PHLPP1: variants seen among roughly 807,000 people sequenced by gnomAD.
PHLPP1 encodes the protein PH domain and leucine rich repeat protein phosphatase 1, also known as PH domain leucine-rich repeat-containing protein phosphatase 1.
Under a neutral mutation model 117.2 loss-of-function variants are expected in PHLPP1, and 42 were observed. The observed-to-expected ratio is 0.36, with a 90% CI of 0.28 to 0.46. The LOEUF (loss-of-function observed/expected upper bound fraction) is 0.46. Ranked by LOEUF, PHLPP1 falls within the 20% of genes least tolerant of loss-of-function variation. PHLPP1 has a pLI of 1.00. For missense variants in PHLPP1, 2,084 were observed against 2,241.9 expected (o/e 0.93, Z 1.42); for synonymous variants, 1,042 against 970.7 (o/e 1.07, Z -1.37).
chr18:62,886,671 A>G (rs778066635), intron 4 of PHLPP1, among the ~76,000 whole-genome samples: 3 of 152,194 alleles, frequency 2.0e-5, no homozygotes, highest in Non-Finnish European at 4.4e-5. Flanking sequence ...GTCTCTGTAG[A>G]TTATCAAGTA....
rs1911328046 is a variant in PHLPP1, at chr18:62,980,025, G to A, written c.*594G>A. On this transcript the variant is annotated 3_prime_UTR_variant, in exon 17 of 17. Transcript: ENST00000262719. ...GAGAATTTCCATTGTAAATAGCTCA[G>A]TGTTGTATAGTGAGGCTTACGATGT... The A allele has an allele frequency of 6.5e-6, 1 of 153,406 alleles. No homozygotes were observed. Among genetic ancestry groups the A allele is most frequent in the Admixed American group, 6.5e-5 (1 of 15,358 alleles). 9.5% of individuals were successfully genotyped at this position (153,406 alleles called of 1,614,324 possible).
chr18:62,962,387 A>G (rs570210596), intron 13 of PHLPP1, among the ~76,000 whole-genome samples: 45 of 152,142 alleles, frequency 3.0e-4, no homozygotes, highest in Non-Finnish European at 1.5e-4. Flanking sequence ...GGCTCACCGC[A>G]ACCTCCACCT....
At chr18:62,838,167 A>T (rs192105301) in intron 2 of PHLPP1, 14 of 152,200 alleles carry the variant, frequency 9.2e-5, no homozygotes. Context: ...GCGTTTTAAG[A>T]TTTTGGTTGT....
chr18:62,893,391 A>G (rs1241577268), intron 4 of PHLPP1, among the ~76,000 whole-genome samples: 5 of 152,202 alleles, frequency 3.3e-5, no homozygotes, highest in African/African-American at 1.2e-4. Context: ...AATATAAAAC[A>G]GTTTAAAAAC....
chr18:62,887,288 T>A (rs761724450), intron 4 of PHLPP1, among the ~76,000 whole-genome samples: 25 of 152,206 alleles, frequency 1.6e-4, no homozygotes, highest in Non-Finnish European at 2.2e-4. Context: ...CTGTTTTTTT[T>A]ATCTATGAGC....
intron 1 of PHLPP1, among the ~76,000 whole-genome samples, chr18:62,822,280 G>GTTTTTTTTTTT (rs796719016): frequency 2.1e-5 from 2 of 95,982 alleles, no homozygotes; most frequent in Non-Finnish European, 4.1e-5. Context: ...TTTTTTTTTT[G>GTTTTTTTTTTT]TTTTTGTTTT....
At chr18:62,810,468 A>G (rs985453155) in intron 1 of PHLPP1, among the ~76,000 whole-genome samples, 5 of 152,182 alleles carry the variant, frequency 3.3e-5, no homozygotes, top group Non-Finnish European at 7.4e-5. Flanking sequence ...CTGAACCCTC[A>G]ATATACTGTA....
intron 4 of PHLPP1, among the ~76,000 whole-genome samples, chr18:62,881,417 T>C (rs1340158413): frequency 6.6e-6 from 1 of 152,248 alleles, no homozygotes; most frequent in East Asian, 1.9e-4. Context: ...GGTAAATTTA[T>C]TCTGATTTTC....
intron 4 of PHLPP1, among the ~76,000 whole-genome samples, chr18:62,872,711 G>T (rs1330108379): frequency 6.7e-6 from 1 of 149,678 alleles, no homozygotes; most frequent in Non-Finnish European, 1.5e-5. Context: ...ATTAGGTGGG[G>T]CGTGGTGGCT....
At chr18:62,895,369 A>T (rs1465037540) in intron 5 of PHLPP1, among the ~76,000 whole-genome samples, 2 of 152,270 alleles carry the variant, frequency 1.3e-5, no homozygotes, top group Non-Finnish European at 2.9e-5. Flanking sequence ...ATTCTTGTTT[A>T]GAACTGAAGA....
intron 1 of PHLPP1, among the ~76,000 whole-genome samples, chr18:62,727,770 A>G (rs1911119536): frequency 6.6e-6 from 1 of 152,012 alleles, no homozygotes; most frequent in Non-Finnish European, 1.5e-5. Flanking sequence ...GGAGAAAGGG[A>G]AGGCTCTTTA....
chr18:62,961,866 T>G (rs558214253), intron 13 of PHLPP1, among the ~76,000 whole-genome samples: 8 of 152,356 alleles, frequency 5.3e-5, no homozygotes, highest in Middle Eastern at 3.4e-3. Context: ...TAGAAACTTT[T>G]CTTTAACCAT....
At chr18:62,796,056 T>G (rs190303146) in intron 1 of PHLPP1, among the ~76,000 whole-genome samples, 1 of 152,364 alleles carries the variant, frequency 6.6e-6, no homozygotes, top group Non-Finnish European at 1.5e-5. Flanking sequence ...TCTGACCACT[T>G]TACTTGTTAG....
In PHLPP1 at chr18:62,761,515, C is replaced by T. The variant is rs1208217980; in HGVS notation, c.1576+44256C>T. On this transcript the variant is annotated intron_variant, in intron 1 of 16. Transcript: ENST00000262719. ...GGATGTGGTGGCGGGCGCTTGTAGT[C>T]CCAGCTACTTGGGAGGCTGAGGCAT... Among the ~76,000 whole-genome samples the T allele has an allele frequency of 3.9e-5, 6 of 152,148 alleles. No individual in the cohort carries two copies. In the East Asian group the frequency reaches 1.2e-3, roughly 30 times the overall value.
At chr18:62,864,887 A>G (rs1915732894) in intron 4 of PHLPP1, among the ~76,000 whole-genome samples, 1 of 152,276 alleles carries the variant, frequency 6.6e-6, no homozygotes, top group Non-Finnish European at 1.5e-5. Context: ...AACTGATACT[A>G]GAATCTAATA....
At chr18:62,754,720 G>A (rs1911959335) in intron 1 of PHLPP1, among the ~76,000 whole-genome samples, 1 of 152,160 alleles carries the variant, frequency 6.6e-6, no homozygotes, top group Non-Finnish European at 1.5e-5. Flanking sequence ...TGCTATAAGG[G>A]TAACAATGAT....
At position 62,860,594 on chromosome 18, in the gene PHLPP1, C is replaced by A; in HGVS notation, c.2059C>A (p.Leu687Met). Residue 687 changes from leucine to methionine, a missense_variant, in exon 4 of 17, where the codon CTG (leucine) becomes ATG (methionine). Transcript: ENST00000262719. ...TCCAGCTGCCAGGGGGCTTAATGAA[C>A]TGCAAAGGTAAGCCTGCAGAAATGG... ...SLPAARGLNE[L>M]QRFTKLKSLN... The A allele has an allele frequency of 6.2e-7, 1 of 1,612,088 alleles. No homozygotes were observed. The highest frequency in any genetic ancestry group is 8.5e-7 in the Non-Finnish European group (1 of 1,179,018).
intron 1 of PHLPP1, among the ~76,000 whole-genome samples, chr18:62,751,191 G>T (rs1156700508): frequency 6.6e-6 from 1 of 152,184 alleles, no homozygotes; most frequent in African/African-American, 2.4e-5. Context: ...AGCCTAGTTG[G>T]CAGAATTGAT....
chr18:62,847,826 G>T (rs181270604), intron 3 of PHLPP1, among the ~76,000 whole-genome samples: 215 of 152,322 alleles, frequency 1.4e-3, no homozygotes, highest in African/African-American at 5.0e-3. Flanking sequence ...TGTAGTGTCT[G>T]ATGTGACAGT....
Sources: allele counts gnomAD v4.1 joint callset (sites outside exome capture counted in the v4.1 genomes callset), GRCh38; gene constraint gnomAD v4.1.1; transcripts MANE v1.5; gene names NCBI Gene and HGNC (gene_info 2026-07-23, HGNC 2026-07-21).